AKAP13: variants seen among roughly 807,000 people sequenced by gnomAD.
AKAP13 encodes the protein A-kinase anchoring protein 13, also known as A-kinase anchor protein 13.
A neutral mutation model predicts 264.5 loss-of-function variants in AKAP13; 80 were observed. The observed-to-expected ratio is 0.30, with a 90% CI of 0.25 to 0.36. The LOEUF (loss-of-function observed/expected upper bound fraction) is 0.36. AKAP13 is among the 10% of genes least tolerant of loss of function. The pLI, the probability that AKAP13 is intolerant of heterozygous loss-of-function variation, is 1.00. For synonymous variants in AKAP13, 1,380 were observed against 1,250.2 expected, an observed-to-expected ratio of 1.10 and a Z score of -2.19; for missense variants, 3,712 against 3,435.2, an observed-to-expected ratio of 1.08 and a Z score of -2.01.
intron 29 of AKAP13, among the ~76,000 whole-genome samples, chr15:85,728,647 A>G (rs1382763261): frequency 6.6e-6 from 1 of 152,178 alleles, no homozygotes; most frequent in Non-Finnish European, 1.5e-5. Flanking sequence ...AGTCTCACAG[A>G]GAAGCTGGTG....
In AKAP13 at chr15:85,717,365, C is replaced by G; in HGVS notation, c.5811C>G (p.Ser1937Arg). 1 of 1,613,090 alleles carries G rather than the reference C, an allele frequency of 6.2e-7. No homozygotes were observed. The highest frequency in any genetic ancestry group is 1.7e-5 in the Admixed American group (1 of 59,660). The change falls in exon 21 of 37, where the codon AGC (serine) becomes AGG (arginine). Residue 1937 changes from serine (S) to arginine (R), a missense_variant. By Grantham distance (110) the Ser-to-Arg change is moderately radical. Around this residue, in one of 3 missense-constraint regions of AKAP13, gnomAD observed 2,759 missense variants for 2,411.7 expected, o/e 1.14. Coordinates refer to ENST00000394518, the MANE Select transcript of AKAP13 (RefSeq NM_007200.5). The part of the protein sequence containing the change: ...SHSTDSLNKI[S>R]KVNESTESLT... The stretch of plus-strand genomic sequence containing the variant: ...CAACAGACTCACTAAATAAAATCAG[C>G]AAGGTCAATGAGTCAACAGAATCAC...
Position 85,380,623 on chromosome 15 carries a change from G to A in AKAP13, c.-187G>A, listed in dbSNP as rs1019922766. On this transcript the variant is annotated 5_prime_UTR_variant, in exon 1 of 37. Transcript: ENST00000394518. ...GAGCTGTGTGCAGGGCCAGCGCGGA[G>A]CCCGAGCAGCCGCGGTGAAGCGCCT... The A allele has an allele frequency of 3.3e-5, 5 of 151,342 alleles. No homozygotes were observed. The highest frequency in any genetic ancestry group is 2.6e-4 in the Admixed American group (4 of 15,176). The allele number at this position is 151,342 out of a possible 1,614,324, so 9.4% of individuals were successfully genotyped here.
chr15:85,487,436 C>G (rs1244066691), intron 2 of AKAP13, among the ~76,000 whole-genome samples: 1 of 152,176 alleles, frequency 6.6e-6, no homozygotes, highest in Non-Finnish European at 1.5e-5. Flanking sequence ...ACATTCCCTT[C>G]TATTCCTAGT....
rs1477478884 is a variant in AKAP13, at chr15:85,735,650, A to C, written c.7512+20A>C. On this transcript the variant is annotated intron_variant, in intron 32 of 36. Transcript: ENST00000394518. ...AAAAAGGTATTTCTCTTTAAAATACACCATGAACCTCCTTGGCACTTTCCT... is the reference window on the plus strand; with the variant it reads ...AAAAAGGTATTTCTCTTTAAAATACCCCATGAACCTCCTTGGCACTTTCCT... 2 of 1,602,012 alleles carry C rather than the reference A, an allele frequency of 1.2e-6. No homozygotes were observed. The highest frequency in any genetic ancestry group is 1.1e-5 in the South Asian group (1 of 88,140).
chr15:85,430,664 C>G (rs2072986607), intron 1 of AKAP13, among the ~76,000 whole-genome samples: 1 of 152,170 alleles, frequency 6.6e-6, no homozygotes, highest in Non-Finnish European at 1.5e-5. Context: ...TCTAACATGT[C>G]AGACAGTTAC....
At chr15:85,501,777 G>A (rs1440975699) in intron 2 of AKAP13, among the ~76,000 whole-genome samples, 1 of 152,166 alleles carries the variant, frequency 6.6e-6, no homozygotes, top group African/African-American at 2.4e-5. Flanking sequence ...AGAAACCTAG[G>A]CTTTTAATGA....
At position 85,718,912 on chromosome 15, in the gene AKAP13, AAAAAC is replaced by A; in HGVS notation, c.6002-159_6002-155del. The stretch of plus-strand genomic sequence containing the variant: ...AGAACCTGTCTTAAAAAAAAAACAA[AAAAAC>A]AAAAAAACGAGAACACTTTTAGGGG... On this transcript the variant is annotated intron_variant, in intron 22 of 36. Transcript: ENST00000394518. The surrounding 1 kb of genome is among the most constrained non-coding windows in gnomAD (Gnocchi z 4.9). 1.9e-6 allele frequency: 2 copies of A among 1,051,016 alleles called. No homozygotes were observed. Among genetic ancestry groups the A allele is most frequent in the Non-Finnish European group, 2.7e-6 (2 of 749,718 alleles). The allele number at this position is 1,051,016 out of a possible 1,614,324, so 65.1% of individuals were successfully genotyped here. A position where few individuals can be genotyped will look rare whatever the true frequency, so the allele number is the denominator to read the frequency against.
chr15:85,730,442 G>C, intron 29 of AKAP13, 71 bp from the exon 30 acceptor site: 1 of 1,504,366 alleles, frequency 6.6e-7, no homozygotes, highest in East Asian at 2.3e-5. Flanking sequence ...ACAAGGTGGT[G>C]CTCGTGTCTT....
At chr15:85,607,462 C>A (rs896116445) in intron 8 of AKAP13, among the ~76,000 whole-genome samples, 2 of 151,160 alleles carry the variant, frequency 1.3e-5, no homozygotes, top group African/African-American at 4.9e-5. Context: ...TTGCTCACAC[C>A]TTTTTTTTTA....
At chr15:85,712,250 A>G (rs955371226) in intron 19 of AKAP13, among the ~76,000 whole-genome samples, 1 of 152,118 alleles carries the variant, frequency 6.6e-6, no homozygotes, top group Non-Finnish European at 1.5e-5. Context: ...TGGCTATACT[A>G]GTCTACACTC....
At chr15:85,518,094 G>A (rs1271949661) in intron 2 of AKAP13, among the ~76,000 whole-genome samples, 4 of 152,178 alleles carry the variant, frequency 2.6e-5, no homozygotes, top group Non-Finnish European at 5.9e-5. Context: ...CCAGACTGAT[G>A]TGTCTATTTA....
intron 4 of AKAP13, among the ~76,000 whole-genome samples, chr15:85,540,505 C>CA (rs1464960424): frequency 6.6e-6 from 1 of 152,076 alleles, no homozygotes; most frequent in African/African-American, 2.4e-5. Flanking sequence ...ACACTGGGGA[C>CA]AAAGGACTCA....
chr15:85,381,525 T>C (rs1317477624), intron 1 of AKAP13, among the ~76,000 whole-genome samples: 1 of 143,474 alleles, frequency 7.0e-6, no homozygotes, highest in East Asian at 2.0e-4. Flanking sequence ...TTACTGCTTT[T>C]TTTTTTTTTT....
intron 3 of AKAP13, among the ~76,000 whole-genome samples, chr15:85,523,816 T>G (rs1272438488): frequency 1.6e-5 from 1 of 61,004 alleles, no homozygotes; most frequent in Non-Finnish European, 3.3e-5. Context: ...CCCGCCCCCC[T>G]TTTTTTGTTT....
intron 34 of AKAP13, 157 bp downstream of exon 34, chr15:85,740,429 G>A: frequency 1.4e-6 from 1 of 737,356 alleles, no homozygotes; most frequent in Non-Finnish European, 2.2e-6. Context: ...GAAAGTTACA[G>A]AATGCATCGA....
At chr15:85,617,200 C>T (rs1243910658) in intron 8 of AKAP13, among the ~76,000 whole-genome samples, 1 of 152,134 alleles carries the variant, frequency 6.6e-6, no homozygotes, top group Non-Finnish European at 1.5e-5. Flanking sequence ...ATGTAAGTCA[C>T]TGGACAGGGA....
At chr15:85,536,363 T>C (rs372933954) in intron 4 of AKAP13, 84 of 152,364 alleles carry the variant, frequency 5.5e-4, no homozygotes, top group East Asian at 5.0e-3. Context: ...ACATATCATA[T>C]GTTGCTTGTA....
intron 1 of AKAP13, among the ~76,000 whole-genome samples, chr15:85,463,618 C>T (rs2074608679): frequency 6.6e-6 from 1 of 152,188 alleles, no homozygotes; most frequent in Non-Finnish European, 1.5e-5. Flanking sequence ...TTTGTGTGTG[C>T]TGCTTTTCCC....
At position 85,743,602 on chromosome 15, in the gene AKAP13, A is replaced by G; in HGVS notation, c.8169A>G (p.Ser2723=). The G allele has an allele frequency of 6.2e-7, 1 of 1,614,214 alleles. No homozygotes were observed. The change falls in exon 36 of 37, where the codon TCA becomes TCG. Residue 2723 remains serine, a synonymous_variant. Coordinates refer to ENST00000394518, the MANE Select transcript of AKAP13 (RefSeq NM_007200.5). ...PSIAKSGSLD[S]ELSVSPKRNS... is the part of the protein sequence containing the mutation. ...TAGCCAAATCAGGGTCATTGGACTC[A>G]GAACTTTCAGTGTCCCCAAAAAGGA...
Sources: gnomAD v4.1 joint callset for allele counts (sites outside exome capture counted in the v4.1 genomes callset) on GRCh38, gnomAD v4.1.1 for gene constraint, gnomAD v4.1.1 regional missense constraint, Gnocchi (gnomAD v3.1) non-coding constraint, MANE v1.5 for transcripts, NCBI Gene and HGNC (gene_info 2026-07-23, HGNC 2026-07-21) for gene names.